Variants in PCDHA1 observed in about 807,000 individuals in gnomAD.
PCDHA1 encodes the protein protocadherin alpha-1.
In PCDHA1, 42 loss-of-function variants were observed where a neutral mutation model predicts 61.3. That is an observed-to-expected ratio of 0.69 (90% CI 0.54 to 0.89). The LOEUF is 0.89. Among genes scored for constraint, PCDHA1 ranks in the 40% least tolerant of loss-of-function variants. PCDHA1 has a pLI of 0.00. For synonymous variants in PCDHA1, 610 were observed against 553.8 expected (o/e 1.10, Z -1.43); for missense variants, 1,256 against 1,235.3 (o/e 1.02, Z -0.25).
At chr5:140,839,156 T>C (rs2150295146) in intron 1 of PCDHA1, among the ~76,000 whole-genome samples, 23 of 97,316 alleles carry the variant, frequency 2.4e-4, no homozygotes, top group Non-Finnish European at 4.5e-4. Flanking sequence ...TTTGCTGCTC[T>C]TGTTGAAAGA....
intron 1 of PCDHA1, among the ~76,000 whole-genome samples, chr5:140,975,810 A>T (rs1310331964): frequency 7.4e-6 from 1 of 134,690 alleles, no homozygotes; most frequent in African/African-American, 2.5e-5. Context: ...TTATAATTTT[A>T]ATAGGAACTG....
At chr5:140,876,456 T>C (rs2056356318) in intron 1 of PCDHA1, 11 of 1,613,932 alleles carry the variant, frequency 6.8e-6, no homozygotes, top group Non-Finnish European at 8.5e-6. Context: ...AAGGGATTCC[T>C]TCCATGGCAG....
intron 1 of PCDHA1, chr5:140,875,549 T>G: frequency 1.2e-6 from 2 of 1,613,916 alleles, no homozygotes; most frequent in Non-Finnish European, 1.7e-6. Flanking sequence ...GCCTGGGAGG[T>G]GGGGAGCGGC....
chr5:140,857,420 G>A (rs2044582609), intron 1 of PCDHA1: 2 of 1,598,360 alleles, frequency 1.3e-6, no homozygotes, highest in Non-Finnish European at 1.7e-6. Flanking sequence ...CGCGCAGTCC[G>A]AGTACACGGT....
Position 140,788,454 on chromosome 5 carries a change from C to T in PCDHA1, c.2164C>T (p.Arg722Trp), listed in dbSNP as rs1554118258. ...CACACTGCTGCTGTACACGGCGCTG[C>T]GGTGCTCAGTGCCGCCCACTGAGGG... ...VLTLLLYTAL[R>W]CSVPPTEGAY... Residue 722 changes from arginine (R) to tryptophan (W), a missense_variant, in exon 1 of 4, where the codon CGG (arginine) becomes TGG (tryptophan). Arg to Trp is a moderately radical substitution (Grantham distance 101, BLOSUM62 -3). Coordinates refer to ENST00000504120, the MANE Select transcript of PCDHA1 (RefSeq NM_018900.4). 1.2e-6 allele frequency: 2 copies of T among 1,614,104 alleles called. No homozygotes were observed. Among genetic ancestry groups the T allele is most frequent in the South Asian group, 1.1e-5 (1 of 91,082 alleles).
At chr5:140,959,230 A>C (rs776449475) in intron 1 of PCDHA1, among the ~76,000 whole-genome samples, 13 of 152,092 alleles carry the variant, frequency 8.5e-5, no homozygotes, top group Non-Finnish European at 1.0e-4. Context: ...TACAAAAATT[A>C]TCTGGGCATG....
At chr5:141,005,371 T>G (rs35698397) in intron 3 of PCDHA1, among the ~76,000 whole-genome samples, 7,868 of 152,226 alleles carry the variant, frequency 0.052, 247 homozygotes, top group South Asian at 0.11. Flanking sequence ...TAGAATGCCT[T>G]TCCAAGGAGG....
chr5:140,801,169 G>C, intron 1 of PCDHA1: 2 of 1,562,790 alleles, frequency 1.3e-6, no homozygotes, highest in South Asian at 1.2e-5. Context: ...TCAATGTAAA[G>C]GCAATCTAAT....
chr5:140,917,440 C>A (rs913046487), intron 1 of PCDHA1, among the ~76,000 whole-genome samples: 1 of 151,666 alleles, frequency 6.6e-6, no homozygotes, highest in Non-Finnish European at 1.5e-5. Flanking sequence ...TTTGTTTTTG[C>A]TGCAAGAGCG....
chr5:140,870,469 C>T, intron 1 of PCDHA1: 1 of 1,614,246 alleles, frequency 6.2e-7, no homozygotes. Context: ...TGCGTTCGCA[C>T]AGCCCGAGTA....
At chr5:140,951,523 G>A (rs868992487) in intron 1 of PCDHA1, among the ~76,000 whole-genome samples, 1 of 151,994 alleles carries the variant, frequency 6.6e-6, no homozygotes, top group Non-Finnish European at 1.5e-5. Context: ...ATCTTACATG[G>A]CCGGTGCAGG....
intron 1 of PCDHA1, chr5:140,834,370 G>A: frequency 6.4e-7 from 1 of 1,557,934 alleles, no homozygotes; most frequent in East Asian, 2.3e-5. Context: ...AGAAAAACAA[G>A]CCAATAATTT....
chr5:140,978,906 T>C, intron 1 of PCDHA1, 43 bp from the exon 2 acceptor site: 1 of 1,613,530 alleles, frequency 6.2e-7, no homozygotes, highest in Non-Finnish European at 8.5e-7. Flanking sequence ...GGGAGAACAT[T>C]GTCTTGTCAT....
chr5:140,974,553 C>G (rs1554236197), intron 1 of PCDHA1, among the ~76,000 whole-genome samples: 1 of 151,870 alleles, frequency 6.6e-6, no homozygotes, highest in African/African-American at 2.4e-5. Context: ...CTCTTGTTGC[C>G]CAGGCTGGAG....
At chr5:140,800,306 T>A (rs1762538280) in intron 1 of PCDHA1, among the ~76,000 whole-genome samples, 1 of 152,160 alleles carries the variant, frequency 6.6e-6, no homozygotes, top group Non-Finnish European at 1.5e-5. Flanking sequence ...CTGAAATCTT[T>A]ATGTAAGTTA....
intron 1 of PCDHA1, among the ~76,000 whole-genome samples, chr5:140,965,730 C>T (rs1554227819): frequency 6.6e-6 from 1 of 152,166 alleles, no homozygotes; most frequent in East Asian, 1.9e-4. Flanking sequence ...AAAAATTTTA[C>T]CAGATTTTCC....
intron 1 of PCDHA1, chr5:140,862,727 C>G (rs1407282014): frequency 3.5e-6 from 2 of 570,998 alleles, no homozygotes; most frequent in African/African-American, 1.9e-5. Context: ...TGCGCGCTGT[C>G]TAGCTATGTG....
chr5:140,804,790 A>G, intron 1 of PCDHA1: 1 of 279,186 alleles, frequency 3.6e-6, no homozygotes, highest in African/African-American at 2.2e-5. Flanking sequence ...TTTCCCTACC[A>G]CTGGAGAGAA....
chr5:140,833,056 T>C (rs2150205806), intron 1 of PCDHA1, among the ~76,000 whole-genome samples: 1 of 152,172 alleles, frequency 6.6e-6, no homozygotes, highest in East Asian at 1.9e-4. Flanking sequence ...AAAAGTAATA[T>C]GAGAAAAACC....
Sources: allele counts gnomAD v4.1 joint callset (sites outside exome capture counted in the v4.1 genomes callset), GRCh38; gene constraint gnomAD v4.1.1; transcripts MANE v1.5; gene names NCBI Gene and HGNC (gene_info 2026-07-23, HGNC 2026-07-21).